The following PABPC4L variants were observed in gnomAD, a reference collection of about 807,000 sequenced individuals.
The protein encoded by PABPC4L is poly(A) binding protein cytoplasmic 4 like, also known as polyadenylate-binding protein 4-like.
For synonymous variants in PABPC4L, 169 were observed against 164.1 expected (o/e 1.03, Z -0.23); for missense variants, 452 against 451.4 (o/e 1.00, Z -0.01).
At chr4:134,180,557 G>A in the PABPC4L span, among the ~76,000 whole-genome samples, 1 of 151,610 alleles carries the variant, frequency 6.6e-6, no homozygotes, top group Admixed American at 6.6e-5. Context: ...AAACTGAGAT[G>A]CAAAAAATCA....
chr4:133,986,121 A>T, the PABPC4L span, among the ~76,000 whole-genome samples: 4 of 152,112 alleles, frequency 2.6e-5, no homozygotes, highest in African/African-American at 4.8e-5. Context: ...TTTCCCAAAC[A>T]CAACACTTTT....
the PABPC4L span, among the ~76,000 whole-genome samples, chr4:133,997,835 T>C: frequency 2.6e-5 from 4 of 152,170 alleles, no homozygotes; most frequent in Admixed American, 2.0e-4. Flanking sequence ...TGCATGTTTA[T>C]ATCACTTGAG....
the PABPC4L span, among the ~76,000 whole-genome samples, chr4:133,981,612 T>C: frequency 6.6e-5 from 10 of 152,220 alleles, no homozygotes; most frequent in East Asian, 3.9e-4. Flanking sequence ...TTGTTTCTTT[T>C]AGATTACAAT....
the PABPC4L span, among the ~76,000 whole-genome samples, chr4:134,135,641 G>A: frequency 6.6e-6 from 1 of 152,034 alleles, no homozygotes; most frequent in South Asian, 2.1e-4. Context: ...AGACCAGCCT[G>A]ACCAACATGG....
chr4:133,983,713 T>G, the PABPC4L span, among the ~76,000 whole-genome samples: 2 of 151,968 alleles, frequency 1.3e-5, no homozygotes, highest in Non-Finnish European at 3.0e-5. Flanking sequence ...TATTTTGTAT[T>G]ACATTTTAGG....
the PABPC4L span, among the ~76,000 whole-genome samples, chr4:134,043,960 A>G: frequency 6.6e-6 from 1 of 151,300 alleles, no homozygotes; most frequent in Non-Finnish European, 1.5e-5. Flanking sequence ...GTGTGTTTTG[A>G]GACACATTCT....
At chr4:134,073,690 C>A in the PABPC4L span, among the ~76,000 whole-genome samples, 1 of 152,336 alleles carries the variant, frequency 6.6e-6, no homozygotes, top group South Asian at 2.1e-4. Context: ...TCTGCCTGCA[C>A]ATCCAAGCAT....
chr4:134,017,947 T>G, the PABPC4L span, among the ~76,000 whole-genome samples: 1 of 152,136 alleles, frequency 6.6e-6, no homozygotes, highest in Admixed American at 6.5e-5. Context: ...TCATTTTATT[T>G]TTCTTATTAA....
the PABPC4L span, among the ~76,000 whole-genome samples, chr4:133,981,011 A>G: frequency 1.6e-4 from 24 of 152,148 alleles, no homozygotes; most frequent in African/African-American, 5.5e-4. Context: ...AAATACAAAA[A>G]TCAGCCGGGT....
At chr4:134,049,009 G>A in the PABPC4L span, among the ~76,000 whole-genome samples, 1 of 151,994 alleles carries the variant, frequency 6.6e-6, no homozygotes, top group Non-Finnish European at 1.5e-5. Flanking sequence ...CTGGGTCATA[G>A]TCCCATCATC....
At chr4:134,194,050 A>T (rs1729586371), downstream of PABPC4L, among the ~76,000 whole-genome samples, 1 of 151,892 alleles carries the variant, frequency 6.6e-6, no homozygotes, top group South Asian at 2.1e-4. Context: ...AAGAGAAAAG[A>T]GTAGGTAATT....
the PABPC4L span, among the ~76,000 whole-genome samples, chr4:133,979,495 T>C: frequency 1.3e-5 from 2 of 152,136 alleles, no homozygotes; most frequent in Non-Finnish European, 2.9e-5. Flanking sequence ...CAAGGGATGT[T>C]TCCAACAGAT....
In PABPC4L at chr4:134,200,323, CA is replaced by C; in HGVS notation, c.696del (p.Phe232LeufsTer4). 1 of 1,594,614 alleles carries C rather than the reference CA, an allele frequency of 6.3e-7. No individual in the cohort carries two copies. Among genetic ancestry groups the C allele is most frequent in the South Asian group, 1.1e-5 (1 of 88,096 alleles). The part of the protein sequence containing the change: ...MTDSSGKSKG[F>X]GFVSFDSHEA... ...TCATGGCTATCAAAACTCACAAAGC[CA>C]AAGCCTTTGGATTTCCCACTGGAAT... On this transcript the variant is annotated frameshift_variant, in exon 2 of 2. Coordinates refer to ENST00000421491, the MANE Select transcript of PABPC4L (RefSeq NM_001114734.2). LOFTEE classifies it low-confidence loss of function (END_TRUNC).
the PABPC4L span, among the ~76,000 whole-genome samples, chr4:133,981,255 G>A: frequency 1.3e-5 from 2 of 152,028 alleles, no homozygotes; most frequent in Non-Finnish European, 2.9e-5. Flanking sequence ...AATACTTTTA[G>A]GCAACCCTCA....
chr4:134,068,966 T>C, the PABPC4L span, among the ~76,000 whole-genome samples: 6 of 152,128 alleles, frequency 3.9e-5, no homozygotes, highest in Non-Finnish European at 7.4e-5. Flanking sequence ...CACCTGGGAC[T>C]CCCAAAGTGC....
At chr4:134,040,761 A>G in the PABPC4L span, among the ~76,000 whole-genome samples, 2 of 152,332 alleles carry the variant, frequency 1.3e-5, no homozygotes, top group Middle Eastern at 3.4e-3. Flanking sequence ...CTGCACAGCA[A>G]AAGAAACTAT....
the PABPC4L span, among the ~76,000 whole-genome samples, chr4:134,121,209 TA>T: frequency 4.0e-5 from 6 of 151,384 alleles, no homozygotes; most frequent in Admixed American, 2.0e-4. Flanking sequence ...GTAATCTCTT[TA>T]AAAAATATAT....
At chr4:134,109,245 T>A in the PABPC4L span, among the ~76,000 whole-genome samples, 1 of 152,038 alleles carries the variant, frequency 6.6e-6, no homozygotes, top group Non-Finnish European at 1.5e-5. Context: ...TACATCTTTA[T>A]GTATACATAA....
At chr4:134,158,493 C>T in the PABPC4L span, among the ~76,000 whole-genome samples, 2 of 152,018 alleles carry the variant, frequency 1.3e-5, no homozygotes, top group Admixed American at 1.3e-4. Flanking sequence ...TTTAGACAGA[C>T]ATAAAATCTT....
Sources: gnomAD v4.1 joint callset for allele counts (sites outside exome capture counted in the v4.1 genomes callset) on GRCh38, gnomAD v4.1.1 for gene constraint, MANE v1.5 for transcripts, NCBI Gene and HGNC (gene_info 2026-07-23, HGNC 2026-07-21) for gene names.